Variants in CPEB2 observed in about 807,000 individuals in gnomAD.
CPEB2 encodes the protein cytoplasmic polyadenylation element-binding protein 2.
A neutral mutation model predicts 93.6 loss-of-function variants in CPEB2; 56 were observed. The ratio of observed to expected loss-of-function variants is 0.60; its 90% CI spans 0.48 to 0.75. The LOEUF (loss-of-function observed/expected upper bound fraction) is 0.75. Ranked by LOEUF, CPEB2 falls within the 30% of genes least tolerant of loss-of-function variation. The probability of loss-of-function intolerance (pLI) is 0.00; values close to 1 mark genes in which losing one functional copy is unlikely to be tolerated. For synonymous variants in CPEB2, 764 were observed against 586.3 expected (o/e 1.30, Z -4.38); for missense variants, 1,579 against 1,395.1 (o/e 1.13, Z -2.10).
chr4:15,066,329 G>A lies in CPEB2; in HGVS notation c.3054G>A (p.Leu1018=). The A allele has an allele frequency of 6.2e-7, 1 of 1,613,028 alleles. No individual in the cohort carries two copies. Among genetic ancestry groups the A allele is most frequent in the East Asian group, 2.2e-5 (1 of 44,824 alleles). ...CTGGACGTGAGTTCCATAAGCCATT[G>A]GTAAAGGAAGGTGCTGATCGCCCAC... ...SRAGREFHKP[L]VKEGADRPRQ... Residue 1018 remains leucine, a synonymous_variant, in exon 12 of 12, where the codon TTG becomes TTA. Transcript: ENST00000538197.
intron 1 of CPEB2, 50 bp downstream of exon 1, chr4:15,004,385 C>CG: frequency 7.5e-7 from 1 of 1,326,764 alleles, no homozygotes; most frequent in Non-Finnish European, 9.8e-7. Context: ...AGACCATGGG[C>CG]GGGGGACGGA....
chr4:15,051,730 A>T (rs2109078687), intron 6 of CPEB2, among the ~76,000 whole-genome samples: 2 of 152,316 alleles, frequency 1.3e-5, no homozygotes, highest in South Asian at 4.1e-4. Flanking sequence ...ACAGCCAGGG[A>T]GTATATCAGG....
rs115178520 is a variant in CPEB2 at position 15,044,731 on chromosome 4, T to C, written c.2200+4244T>C. ...AATATACTTCTGTTGTTTTGATAGTTTTTTAAATTAATGTTTGGTAACATT... is the reference window on the plus strand; with the variant it reads ...AATATACTTCTGTTGTTTTGATAGTCTTTTAAATTAATGTTTGGTAACATT... On this transcript the variant is annotated intron_variant, in intron 6 of 11. Coordinates refer to ENST00000538197, the MANE Select transcript of CPEB2 (RefSeq NM_001177382.2). 2.3e-3 allele frequency among the ~76,000 whole-genome samples: 357 copies of C among 152,248 alleles called. 3 individuals are homozygous for C. The highest frequency in any genetic ancestry group is 0.018 in the South Asian group (88 of 4,824).
Position 15,017,225 on chromosome 4 carries a change from CT to C in CPEB2, c.2075del (p.Leu692TrpfsTer9). The C allele has an allele frequency of 6.2e-7, 1 of 1,603,816 alleles. No individual in the cohort carries two copies. The highest frequency in any genetic ancestry group is 8.5e-7 in the Non-Finnish European group (1 of 1,172,688). ...SRMYDSLNMHSLENSLIDIMR... is the reference protein window; with the variant it reads ...SRMYDSLNMHXLENSLIDIMR... ...ATGTATGACAGTTTGAATATGCACT[CT>C]TTGGAAAATTCCCTTATCGATATTA... On this transcript the variant is annotated frameshift_variant, in exon 4 of 12. Transcript: ENST00000538197. LOFTEE classifies it high-confidence loss of function.
chr4:15,009,383 G>A (rs1305661571), intron 3 of CPEB2, among the ~76,000 whole-genome samples: 2 of 152,168 alleles, frequency 1.3e-5, no homozygotes, highest in African/African-American at 2.4e-5. Flanking sequence ...GCCAAGTCCT[G>A]CCTGTTTTCC....
At chr4:15,039,401 G>A (rs1030603586) in intron 5 of CPEB2, among the ~76,000 whole-genome samples, 2 of 151,918 alleles carry the variant, frequency 1.3e-5, no homozygotes, top group South Asian at 2.1e-4. Flanking sequence ...ATATTTTTAG[G>A]TAGACATTTC....
chr4:15,037,970 G>A (rs1017815812), intron 5 of CPEB2, among the ~76,000 whole-genome samples: 3 of 152,080 alleles, frequency 2.0e-5, no homozygotes, highest in African/African-American at 7.2e-5. Flanking sequence ...TAGAAATATT[G>A]GTAGGAAAGT....
At chr4:15,045,115 C>T (rs1030321019) in intron 6 of CPEB2, among the ~76,000 whole-genome samples, 2 of 152,038 alleles carry the variant, frequency 1.3e-5, no homozygotes, top group African/African-American at 4.8e-5. Context: ...TATCTTCTAC[C>T]GAAGGAAGGC....
At position 15,003,989 on chromosome 4, in the gene CPEB2, C is replaced by T. The variant is rs1464848800; in HGVS notation, c.1316C>T (p.Pro439Leu). The T allele has an allele frequency of 2.0e-6, 3 of 1,497,816 alleles. No homozygotes were observed. The highest frequency in any genetic ancestry group is 4.3e-5 in the Admixed American group (2 of 46,334). The allele number at this position is 1,497,816 out of a possible 1,614,324, so 92.8% of individuals were successfully genotyped here. Residue 439 changes from proline (P) to leucine (L), a missense_variant, in exon 1 of 12, where the codon CCG (proline) becomes CTG (leucine). Pro to Leu is a moderately conservative substitution (Grantham distance 98, BLOSUM62 -3). This residue lies in a region of CPEB2 where 1,411 missense variants were observed against 1,056.0 expected (regional missense o/e 1.34). Transcript: ENST00000538197. ...AGCGGCGGCTCGCTCAGCGCCATGC[C>T]GCCGCCCAGCCCCGACTCAGAGAAC... is the stretch of plus-strand genomic sequence containing the variant. ...GGSGGSLSAM[P>L]PPSPDSENGF...
intron 6 of CPEB2, among the ~76,000 whole-genome samples, chr4:15,048,009 G>A (rs1727874073): frequency 6.6e-6 from 1 of 150,600 alleles, no homozygotes; most frequent in African/African-American, 2.4e-5. Flanking sequence ...ATTTTTGTCT[G>A]TTTATGTAGT....
chr4:15,060,575 G>C (rs1310638898), intron 10 of CPEB2, among the ~76,000 whole-genome samples: 3 of 152,110 alleles, frequency 2.0e-5, no homozygotes, highest in Non-Finnish European at 4.4e-5. Flanking sequence ...TGGGTGGATA[G>C]TGATGCCTTT....
intron 5 of CPEB2, 34 bp from the exon 6 acceptor site, chr4:15,040,430 G>T: frequency 6.5e-7 from 1 of 1,533,170 alleles, no homozygotes; most frequent in South Asian, 1.2e-5. Flanking sequence ...TTTTAGTTCT[G>T]ACATTTTACA....
At chr4:15,028,521 A>G (rs938592285) in intron 4 of CPEB2, among the ~76,000 whole-genome samples, 1 of 152,088 alleles carries the variant, frequency 6.6e-6, no homozygotes, top group Non-Finnish European at 1.5e-5. Context: ...AGTAAGAGAG[A>G]CTAAGTTACT....
rs190184294 is a variant in CPEB2 at position 15,046,914 on chromosome 4, C to T, written c.2201-5500C>T. ...CAAGGTTATGAAGAAATTCTAGTTTCGTTGTTTTAACTTTTGCATTTAAGT... is the reference window on the plus strand; with the variant it reads ...CAAGGTTATGAAGAAATTCTAGTTTTGTTGTTTTAACTTTTGCATTTAAGT... On this transcript the variant is annotated intron_variant, in intron 6 of 11. Coordinates refer to ENST00000538197, the MANE Select transcript of CPEB2 (RefSeq NM_001177382.2). 5.1e-3 allele frequency among the ~76,000 whole-genome samples: 774 copies of T among 152,220 alleles called. 5 individuals are homozygous for T. Among genetic ancestry groups the T allele is most frequent in the African/African-American group, 5.5e-3 (230 of 41,530 alleles).
rs1728314810 is a variant in CPEB2 at position 15,052,398 on chromosome 4, T to C, written c.2201-16T>C. The stretch of plus-strand genomic sequence containing the variant: ...CTCAGATCTGAGATTCAAGTTGTAT[T>C]TGTTCTTTATTCTAGGTCGTTCTTC... On this transcript the variant is annotated splice_polypyrimidine_tract_variant and intron_variant, in intron 6 of 11. Transcript: ENST00000538197. 1 of 1,421,906 alleles carries C rather than the reference T, an allele frequency of 7.0e-7. No homozygotes were observed. The highest frequency in any genetic ancestry group is 2.6e-5 in the East Asian group (1 of 38,688). 88.1% of individuals were successfully genotyped at this position (1,421,906 alleles called of 1,614,324 possible). A position where few individuals can be genotyped will look rare whatever the true frequency, so the allele number is the denominator to read the frequency against.
chr4:15,023,987 A>G (rs1725131994), intron 4 of CPEB2, among the ~76,000 whole-genome samples: 1 of 152,082 alleles, frequency 6.6e-6, no homozygotes, highest in African/African-American at 2.4e-5. Flanking sequence ...CTGTAATGTA[A>G]CATTTTCTTT....
chr4:15,036,388 G>A (rs868646557), intron 5 of CPEB2, among the ~76,000 whole-genome samples: 2 of 152,112 alleles, frequency 1.3e-5, no homozygotes, highest in Admixed American at 6.6e-5. Context: ...GCATCCAGAA[G>A]CACTTTAGGG....
At chr4:15,006,849 T>A (rs920009718) in intron 1 of CPEB2, among the ~76,000 whole-genome samples, 1 of 152,152 alleles carries the variant, frequency 6.6e-6, no homozygotes, top group African/African-American at 2.4e-5. Flanking sequence ...TTTGGAAACA[T>A]AAAGTCTATA....
chr4:15,064,894 A>T (rs1029923382), intron 11 of CPEB2, among the ~76,000 whole-genome samples: 9 of 152,146 alleles, frequency 5.9e-5, no homozygotes, highest in Non-Finnish European at 5.9e-5. Flanking sequence ...AGCCACTGGA[A>T]AAAAGGTTAA....
Sources: allele counts gnomAD v4.1 joint callset (sites outside exome capture counted in the v4.1 genomes callset), GRCh38; gene constraint gnomAD v4.1.1; regional missense constraint gnomAD v4.1.1; transcripts MANE v1.5; gene names NCBI Gene and HGNC (gene_info 2026-07-23, HGNC 2026-07-21).